The following SOS1 variants were observed in gnomAD, a reference collection of about 807,000 sequenced individuals.
The protein encoded by SOS1 is SOS Ras/Rac guanine nucleotide exchange factor 1.
In SOS1, 25 loss-of-function variants were observed where a neutral mutation model predicts 157.6. The ratio of observed to expected loss-of-function variants is 0.16; its 90% confidence interval spans 0.12 to 0.22. The LOEUF (loss-of-function observed/expected upper bound fraction) is 0.22, where lower values mean the gene tolerates loss of function less well. SOS1 is among the 10% of genes least tolerant of loss of function. The probability of loss-of-function intolerance (pLI) is 1.00; values close to 1 mark genes in which losing one functional copy is unlikely to be tolerated. For synonymous variants in SOS1, 528 were observed against 534.0 expected, an observed-to-expected ratio of 0.99 and a Z score of 0.16; for missense variants, 1,237 against 1,599.1, an observed-to-expected ratio of 0.77 and a Z score of 3.86.
In SOS1 at chr2:39,035,193, CAA is replaced by C. The variant is rs1670301984; in HGVS notation, c.1074+17_1074+18del. The C allele has an allele frequency of 1.3e-6, 2 of 1,544,236 alleles. No individual in the cohort carries two copies. The highest frequency in any genetic ancestry group is 2.3e-5 in the East Asian group (1 of 44,300). On this transcript the variant is annotated intron_variant, in intron 8 of 22. Coordinates refer to ENST00000402219, the MANE Select transcript of SOS1 (RefSeq NM_005633.4). ...TCACACTTGAATATGTTACAAATAACAATAAAGAGTTTTCTTACCTTCAAAAG... is the reference window on the plus strand; with the variant it reads ...TCACACTTGAATATGTTACAAATAACTAAAGAGTTTTCTTACCTTCAAAAG...
intron 16 of SOS1, 32 bp downstream of exon 16, chr2:39,006,999 A>C: frequency 6.8e-7 from 1 of 1,464,272 alleles, no homozygotes. Flanking sequence ...AGGGAATGAA[A>C]GTTCATTTTA....
rs1362842661 is a variant in SOS1, at chr2:38,984,346, A to G, written c.*1478T>C. The G allele has an allele frequency of 6.6e-6, 1 of 152,142 alleles. No individual in the cohort carries two copies. The highest frequency in any genetic ancestry group is 2.4e-5 in the African/African-American group (1 of 41,452). The allele number at this position is 152,142 out of a possible 1,614,324, so 9.4% of individuals were successfully genotyped here. On this transcript the variant is annotated 3_prime_UTR_variant, in exon 23 of 23. Coordinates refer to ENST00000402219, the MANE Select transcript of SOS1 (RefSeq NM_005633.4). ...TGTTAGACTCAGAAGAACAGTACATACGCTTTATGAATAATCCATATTATG... is the reference window on the plus strand; with the variant it reads ...TGTTAGACTCAGAAGAACAGTACATGCGCTTTATGAATAATCCATATTATG...
At chr2:39,119,031 T>A (rs1673764814) in intron 1 of SOS1, among the ~76,000 whole-genome samples, 1 of 152,168 alleles carries the variant, frequency 6.6e-6, no homozygotes, top group Non-Finnish European at 1.5e-5. Flanking sequence ...AATTTCCGTG[T>A]CTCCCCTTAC....
At chr2:39,082,538 T>C (rs1672241606) in intron 1 of SOS1, 1 of 152,182 alleles carries the variant, frequency 6.6e-6, no homozygotes, top group Non-Finnish European at 1.5e-5. Context: ...TTTAAATTTA[T>C]TAGAGTACAG....
chr2:39,003,145 A>G (rs752588488), intron 17 of SOS1, among the ~76,000 whole-genome samples: 5 of 151,918 alleles, frequency 3.3e-5, no homozygotes, highest in South Asian at 2.1e-4. Flanking sequence ...TTTAAACCTC[A>G]TAAGATCAGC....
At chr2:39,040,725 T>C (rs1272181587) in intron 6 of SOS1, among the ~76,000 whole-genome samples, 1 of 152,252 alleles carries the variant, frequency 6.6e-6, no homozygotes, top group African/African-American at 2.4e-5. Context: ...CATATACATT[T>C]AATTTAACCA....
Position 39,067,645 on chromosome 2 carries a change from T to C in SOS1, c.196A>G (p.Ser66Gly). 6.2e-7 allele frequency: 1 copy of C among 1,613,522 alleles called. No individual in the cohort carries two copies. The highest frequency in any genetic ancestry group is 8.5e-7 in the Non-Finnish European group (1 of 1,179,482). Residue 66 changes from serine to glycine, a missense_variant, in exon 2 of 23, where the codon AGT (serine) becomes GGT (glycine). Around this residue, in one of 15 missense-constraint regions of SOS1, gnomAD observed 99 missense variants for 81.6 expected, o/e 1.21. Coordinates refer to ENST00000402219, the MANE Select transcript of SOS1 (RefSeq NM_005633.4). ...LNMLCQAQPRSASDVEERVQK... is the reference protein window; with the variant it reads ...LNMLCQAQPRGASDVEERVQK... Reference sequence around the variant, plus strand: ...TGTCATACCTCTACATCTGAAGCACTTCGGGGCTGAGCTTGGCATAGCATA... The same window carrying C: ...TGTCATACCTCTACATCTGAAGCACCTCGGGGCTGAGCTTGGCATAGCATA...
intron 8 of SOS1, among the ~76,000 whole-genome samples, chr2:39,030,273 G>T (rs1224494940): frequency 6.6e-6 from 1 of 150,902 alleles, no homozygotes; most frequent in Non-Finnish European, 1.5e-5. Context: ...GAAAGAGGGG[G>T]AAAGAAAAGG....
upstream of SOS1, among the ~76,000 whole-genome samples, chr2:39,123,395 T>C (rs964466297): frequency 6.6e-6 from 1 of 152,028 alleles, no homozygotes; most frequent in Non-Finnish European, 1.5e-5. Flanking sequence ...AGTCTCATTT[T>C]GTTGCCCAGG....
intron 1 of SOS1, among the ~76,000 whole-genome samples, chr2:39,086,245 G>A (rs1020683542): frequency 6.6e-6 from 1 of 152,166 alleles, no homozygotes; most frequent in African/African-American, 2.4e-5. Context: ...TTGGTGAAGT[G>A]AGAGGGATAA....
At chr2:39,066,069 G>A (rs1430553973) in intron 2 of SOS1, among the ~76,000 whole-genome samples, 5 of 152,200 alleles carry the variant, frequency 3.3e-5, no homozygotes, top group South Asian at 2.1e-4. Flanking sequence ...CATTGGATAT[G>A]CCTGTCTATC....
In SOS1 at chr2:38,998,109, C is replaced by A. The variant is rs192786301; in HGVS notation, c.2792-684G>T. Among the ~76,000 whole-genome samples the A allele has an allele frequency of 2.0e-4, 31 of 152,218 alleles. 1 individual carries two copies. Among genetic ancestry groups the A allele is most frequent in the Non-Finnish European group, 5.9e-5 (4 of 68,038 alleles). On this transcript the variant is annotated intron_variant, in intron 17 of 22. Coordinates refer to ENST00000402219, the MANE Select transcript of SOS1 (RefSeq NM_005633.4). Reference sequence around the variant, plus strand: ...TTAGTGGCAACCTAGTAATTGATTTCCTGTTTCCCCATCACTACAGCTGTA... The same window carrying A: ...TTAGTGGCAACCTAGTAATTGATTTACTGTTTCCCCATCACTACAGCTGTA...
At chr2:39,076,983 T>G (rs1299380502) in intron 1 of SOS1, among the ~76,000 whole-genome samples, 1 of 152,188 alleles carries the variant, frequency 6.6e-6, no homozygotes, top group African/African-American at 2.4e-5. Context: ...AAATATAATT[T>G]TTTAATGATA....
intron 6 of SOS1, among the ~76,000 whole-genome samples, chr2:39,049,974 C>G (rs534302332): frequency 5.7e-4 from 87 of 152,288 alleles, no homozygotes; most frequent in African/African-American, 1.9e-3. Context: ...CCTGAACACC[C>G]AGATACCAGA....
At chr2:39,111,903 T>C (rs1393605545) in intron 1 of SOS1, among the ~76,000 whole-genome samples, 1 of 152,084 alleles carries the variant, frequency 6.6e-6, no homozygotes, top group Non-Finnish European at 1.5e-5. Flanking sequence ...ATAATTTTTG[T>C]ATTTTTGGTA....
chr2:39,031,846 A>G (rs1228835968), intron 8 of SOS1, among the ~76,000 whole-genome samples: 1 of 152,234 alleles, frequency 6.6e-6, no homozygotes, highest in Non-Finnish European at 1.5e-5. Flanking sequence ...TATTGAAGCA[A>G]TATGGTTTTC....
At chr2:39,015,231 T>C (rs1024679979) in intron 10 of SOS1, among the ~76,000 whole-genome samples, 6 of 151,698 alleles carry the variant, frequency 4.0e-5, no homozygotes, top group Non-Finnish European at 7.4e-5. Context: ...CAATAACCCA[T>C]TACTTTTCCT....
At chr2:39,089,070 G>A (rs756479758) in intron 1 of SOS1, among the ~76,000 whole-genome samples, 1 of 152,160 alleles carries the variant, frequency 6.6e-6, no homozygotes, top group African/African-American at 2.4e-5. Context: ...CGCTAATGAT[G>A]AGTGTGCCTT....
At position 38,988,531 on chromosome 2, in the gene SOS1, CAT is replaced by C. The variant is rs934099527; in HGVS notation, c.3391+737_3391+738del. Among the ~76,000 whole-genome samples the C allele has an allele frequency of 1.2e-4, 19 of 152,248 alleles. No homozygotes were observed. The South Asian group carries it at 3.1e-3, about 25-fold the overall frequency. On this transcript the variant is annotated intron_variant, in intron 21 of 22. Transcript: ENST00000402219. ...AAGCATTAAGCTTTTTATTTTGTCA[CAT>C]GTTATAAAATATAGAACTTAAAAAG...
Sources: gnomAD v4.1 joint callset for allele counts (sites outside exome capture counted in the v4.1 genomes callset) on GRCh38, gnomAD v4.1.1 for gene constraint, gnomAD v4.1.1 regional missense constraint, MANE v1.5 for transcripts, NCBI Gene and HGNC (gene_info 2026-07-23, HGNC 2026-07-21) for gene names.